The following MED27 variants were observed in gnomAD, a reference collection of about 807,000 sequenced individuals.
MED27 encodes the protein mediator complex subunit 27.
Under a neutral mutation model 38.2 loss-of-function variants are expected in MED27, and 30 were observed. That is an observed-to-expected ratio of 0.79 (90% CI 0.59 to 1.07). MED27 has a LOEUF of 1.07. Ranked by LOEUF, MED27 falls within the 50% of genes least tolerant of loss-of-function variation. MED27 has a pLI of 0.00. For synonymous variants in MED27, 122 were observed against 153.5 expected (o/e 0.79, Z 1.52); for missense variants, 289 against 397.5 (o/e 0.73, Z 2.32).
At chr9:131,864,050 G>T (rs866116671) in intron 6 of MED27, among the ~76,000 whole-genome samples, 83 of 152,174 alleles carry the variant, frequency 5.5e-4, no homozygotes, top group African/African-American at 1.9e-3. Flanking sequence ...TCTGAAACTG[G>T]ATGACACTGT....
intron 2 of MED27, among the ~76,000 whole-genome samples, chr9:132,019,447 A>C (rs1195770886): frequency 6.6e-6 from 1 of 152,198 alleles, no homozygotes; most frequent in African/African-American, 2.4e-5. Flanking sequence ...ACCACAGAAG[A>C]AACCTTTTTT....
intron 2 of MED27, among the ~76,000 whole-genome samples, chr9:132,041,377 T>A (rs971592243): frequency 6.6e-6 from 1 of 152,202 alleles, no homozygotes; most frequent in Non-Finnish European, 1.5e-5. Context: ...ATCAGCTCTG[T>A]GATTTGGGTG....
intron 4 of MED27, among the ~76,000 whole-genome samples, chr9:131,903,210 C>T (rs1025591897): frequency 6.6e-5 from 10 of 152,176 alleles, no homozygotes; most frequent in Non-Finnish European, 1.0e-4. Flanking sequence ...TGGCGGAAGG[C>T]AAGGAGGCGC....
At chr9:131,906,032 T>C (rs1322474717) in intron 4 of MED27, among the ~76,000 whole-genome samples, 4 of 152,112 alleles carry the variant, frequency 2.6e-5, no homozygotes. Flanking sequence ...ATGAAGGAAA[T>C]GAACAAAACG....
At chr9:131,972,338 A>G (rs1831497338) in intron 3 of MED27, among the ~76,000 whole-genome samples, 1 of 152,212 alleles carries the variant, frequency 6.6e-6, no homozygotes. Flanking sequence ...GGTTTTGCTC[A>G]CTTATTCTTA....
chr9:132,034,866 T>C (rs1206562699), intron 2 of MED27, among the ~76,000 whole-genome samples: 2 of 152,198 alleles, frequency 1.3e-5, no homozygotes, highest in Non-Finnish European at 2.9e-5. Flanking sequence ...TGGGGAGCAT[T>C]TGTGCTGAGA....
chr9:131,950,949 A>G (rs1208619743), intron 3 of MED27, among the ~76,000 whole-genome samples: 2 of 152,250 alleles, frequency 1.3e-5, no homozygotes, highest in African/African-American at 4.8e-5. Context: ...TCTTAATCAC[A>G]AAATGTCATC....
At chr9:131,961,386 T>A (rs1167492818) in intron 3 of MED27, among the ~76,000 whole-genome samples, 1 of 152,338 alleles carries the variant, frequency 6.6e-6, no homozygotes, top group East Asian at 1.9e-4. Flanking sequence ...TGCTCTCTGA[T>A]ATTTTTCAGC....
intron 3 of MED27, among the ~76,000 whole-genome samples, chr9:131,996,972 T>C (rs751792438): frequency 3.9e-5 from 6 of 152,256 alleles, no homozygotes; most frequent in Non-Finnish European, 7.3e-5. Context: ...GTAAGGCTAT[T>C]AGTAGTTAAG....
intron 6 of MED27, among the ~76,000 whole-genome samples, chr9:131,874,231 C>T (rs1564263229): frequency 6.6e-6 from 1 of 152,196 alleles, no homozygotes; most frequent in African/African-American, 2.4e-5. Context: ...CTAAGCCCTT[C>T]TCACCCCTCA....
In MED27 at chr9:131,945,344, C is replaced by T. The variant is rs572879505; in HGVS notation, c.480-5870G>A. On this transcript the variant is annotated intron_variant, in intron 3 of 7. Coordinates refer to ENST00000292035, the MANE Select transcript of MED27 (RefSeq NM_004269.4). ...ATTGTATATATTTATCATGTACAAC[C>T]TGTTGTTTTGAAATATGCATATATT... Among the ~76,000 whole-genome samples the T allele has an allele frequency of 8.6e-5, 13 of 151,746 alleles. No individual in the cohort carries two copies. The South Asian group carries it at 2.7e-3, about 31-fold the overall frequency.
intron 4 of MED27, among the ~76,000 whole-genome samples, chr9:131,926,350 C>T (rs760925147): frequency 2.0e-5 from 3 of 152,230 alleles, no homozygotes; most frequent in Non-Finnish European, 4.4e-5. Context: ...AAAGGCCAGC[C>T]TTCATCAGAA....
intron 2 of MED27, chr9:132,073,229 A>G (rs1833979869): frequency 1.3e-6 from 1 of 748,020 alleles, no homozygotes; most frequent in Non-Finnish European, 1.6e-6. Context: ...ATTGCCTCCC[A>G]TCCAAGCACC....
intron 3 of MED27, among the ~76,000 whole-genome samples, chr9:132,001,896 G>C (rs1348092061): frequency 6.6e-6 from 1 of 152,188 alleles, no homozygotes; most frequent in African/African-American, 2.4e-5. Flanking sequence ...CATCCTGGGA[G>C]CTGCTTAAAA....
intron 3 of MED27, among the ~76,000 whole-genome samples, chr9:132,013,649 T>C (rs183143263): frequency 6.6e-6 from 1 of 152,356 alleles, no homozygotes; most frequent in East Asian, 1.9e-4. Flanking sequence ...GCAGGTTCTC[T>C]AGGTGGTCTG....
At chr9:131,995,505 T>A (rs1414338640) in intron 3 of MED27, among the ~76,000 whole-genome samples, 1 of 152,150 alleles carries the variant, frequency 6.6e-6, no homozygotes. Context: ...GTTAATGGAC[T>A]CCTTCTATCT....
rs572536432 is a variant in MED27, at chr9:131,926,466, G to A, written c.573+12915C>T. Among the ~76,000 whole-genome samples, 11 of 152,184 alleles carry A rather than the reference G, an allele frequency of 7.2e-5. No individual in the cohort carries two copies. In the South Asian group the frequency reaches 1.7e-3, roughly 23 times the overall value. The stretch of plus-strand genomic sequence containing the variant: ...GTGAGAAAAGGGAGAGCTCCAGGAC[G>A]CCACCGTCCTTCCCCTCACTCCCTG... On this transcript the variant is annotated intron_variant, in intron 4 of 7. Coordinates refer to ENST00000292035, the MANE Select transcript of MED27 (RefSeq NM_004269.4).
At chr9:132,034,679 G>A (rs144111941) in intron 2 of MED27, among the ~76,000 whole-genome samples, 99 of 152,276 alleles carry the variant, frequency 6.5e-4, no homozygotes, top group Non-Finnish European at 1.3e-3. Flanking sequence ...GTAATTCAGG[G>A]ACAGCCCCTT....
chr9:132,021,674 A>G (rs1037995067), intron 2 of MED27, among the ~76,000 whole-genome samples: 3 of 152,170 alleles, frequency 2.0e-5, no homozygotes, highest in African/African-American at 7.2e-5. Flanking sequence ...TGTCTCCCCA[A>G]AATTCTTCTG....
Sources: gnomAD v4.1 joint callset for allele counts (sites outside exome capture counted in the v4.1 genomes callset) on GRCh38, gnomAD v4.1.1 for gene constraint, MANE v1.5 for transcripts, NCBI Gene and HGNC (gene_info 2026-07-23, HGNC 2026-07-21) for gene names.